Variants in PSMD9 observed in about 807,000 individuals in gnomAD.
PSMD9 encodes proteasome 26S subunit, non-ATPase 9, also known as 26S proteasome non-ATPase regulatory subunit 9.
PSMD9 carries 26 observed loss-of-function variants against 25.9 expected under a neutral mutation model. The observed-to-expected ratio is 1.00, with a 90% CI of 0.73 to 1.39. The LOEUF (loss-of-function observed/expected upper bound fraction) is 1.39. Ranked by LOEUF, PSMD9 falls within the 40% of genes most tolerant of loss-of-function variation. The pLI is 0.00. For synonymous variants in PSMD9, 110 were observed against 114.5 expected (o/e 0.96, Z 0.25); for missense variants, 303 against 299.3 (o/e 1.01, Z -0.09).
chr12:121,903,916 G>A (rs1377639067), intron 4 of PSMD9, among the ~76,000 whole-genome samples: 1 of 152,024 alleles, frequency 6.6e-6, no homozygotes, highest in Non-Finnish European at 1.5e-5. Context: ...TTGTAGCAAA[G>A]ATCCACACTT....
intron 4 of PSMD9, among the ~76,000 whole-genome samples, chr12:121,903,839 A>G (rs1879473403): frequency 1.3e-5 from 2 of 149,622 alleles, no homozygotes; most frequent in South Asian, 4.2e-4. Context: ...CCTCACGGCT[A>G]ATTTTTTTAT....
At chr12:121,897,677 G>T (rs577894591) in intron 2 of PSMD9, 1 of 149,804 alleles carries the variant, frequency 6.7e-6, no homozygotes, top group Non-Finnish European at 1.5e-5. Context: ...GAGCCACCAT[G>T]CCTGGCCTAA....
rs779829181 is a variant in PSMD9, at chr12:121,899,695, C to T, written c.303C>T (p.His101=). 2.4e-5 allele frequency: 38 copies of T among 1,613,798 alleles called. No homozygotes were observed. Among genetic ancestry groups the T allele is most frequent in the Middle Eastern group, 1.6e-4 (1 of 6,062 alleles). ...TGGAGGAGGCCCTGCACCAGCTGCACGCTCGCGACAAGGAGAAGCAGGCCC... is the reference window on the plus strand; with the variant it reads ...TGGAGGAGGCCCTGCACCAGCTGCATGCTCGCGACAAGGAGAAGCAGGCCC... The part of the protein sequence containing the change: ...KQVEEALHQL[H]ARDKEKQARD... The change falls in exon 3 of 6, where the codon CAC becomes CAT. Residue 101 remains histidine (H), a synonymous_variant. Coordinates refer to ENST00000541212, the MANE Select transcript of PSMD9 (RefSeq NM_002813.7).
At chr12:121,894,653 T>C (rs996584675) in intron 1 of PSMD9, 86 bp from the exon 2 acceptor site, 6 of 1,144,828 alleles carry the variant, frequency 5.2e-6, no homozygotes, top group South Asian at 1.3e-5. Flanking sequence ...ACCTTTATTA[T>C]GACTTCAGAG....
chr12:121,912,320 C>T (rs778004895), intron 4 of PSMD9, among the ~76,000 whole-genome samples: 5 of 152,072 alleles, frequency 3.3e-5, no homozygotes, highest in African/African-American at 4.8e-5. Flanking sequence ...CGTGAGCCAC[C>T]GTGCCCGGCG....
chr12:121,911,140 A>C, intron 4 of PSMD9: 1 of 373,608 alleles, frequency 2.7e-6, no homozygotes, highest in Non-Finnish European at 5.4e-6. Context: ...CCCAGGTTTG[A>C]GCCATTCTTC....
chr12:121,913,008 C>T (rs538386850), intron 4 of PSMD9, among the ~76,000 whole-genome samples: 12 of 149,938 alleles, frequency 8.0e-5, no homozygotes, highest in Admixed American at 7.3e-4. Flanking sequence ...ACAATCTCGG[C>T]TCACTGCAAA....
intron 2 of PSMD9, chr12:121,898,726 T>G (rs1280498695): frequency 6.4e-6 from 1 of 156,300 alleles, no homozygotes; most frequent in East Asian, 1.9e-4. Context: ...TTTGTTTTGT[T>G]TTGTTTTGTT....
chr12:121,894,724 G>C lies in PSMD9; in HGVS notation c.139-15G>C. 1 of 1,612,620 alleles carries C rather than the reference G, an allele frequency of 6.2e-7. No individual in the cohort carries two copies. Among genetic ancestry groups the C allele is most frequent in the Non-Finnish European group, 8.5e-7 (1 of 1,178,890 alleles). ...ACACCCATGAGCACCTTTTAACCACGTTTCTTTCCTCCAGCAAAAAGGCAT... is the reference window on the plus strand; with the variant it reads ...ACACCCATGAGCACCTTTTAACCACCTTTCTTTCCTCCAGCAAAAAGGCAT... On this transcript the variant is annotated splice_polypyrimidine_tract_variant and intron_variant, in intron 1 of 5. Transcript: ENST00000541212.
intron 1 of PSMD9, among the ~76,000 whole-genome samples, chr12:121,891,427 C>T (rs1180778068): frequency 3.3e-5 from 5 of 150,426 alleles, no homozygotes; most frequent in East Asian, 2.0e-4. Context: ...AGTGAAACCC[C>T]GTCTCTACTA....
At position 121,899,826 on chromosome 12, in the gene PSMD9, G is replaced by A. The variant is rs774874573; in HGVS notation, c.434G>A (p.Gly145Asp). ...AFAKVNSISPGSPASIAGLQV... is the reference protein window; with the variant it reads ...AFAKVNSISPDSPASIAGLQV... ...GCCAAAGTGAACAGCATCAGCCCCG[G>A]CTCCCCAGCCAGCATCGCGGTAATC... is the stretch of plus-strand genomic sequence containing the variant. The change falls in exon 3 of 6, where the codon GGC becomes GAC. Residue 145 changes from glycine to aspartate, a missense_variant. Physicochemically the swap from Gly to Asp is moderately conservative, Grantham distance 94. Coordinates refer to ENST00000541212, the MANE Select transcript of PSMD9 (RefSeq NM_002813.7). 5.0e-6 allele frequency: 8 copies of A among 1,613,886 alleles called. No individual in the cohort carries two copies. The Admixed American group carries it at 5.0e-5, about 10-fold the overall frequency.
At chr12:121,907,027 C>T (rs1879580489) in intron 4 of PSMD9, among the ~76,000 whole-genome samples, 2 of 150,400 alleles carry the variant, frequency 1.3e-5, no homozygotes, top group South Asian at 4.2e-4. Flanking sequence ...AGATAGTTTG[C>T]CATTTTGTGG....
chr12:121,895,234 C>T (rs1364748459), intron 2 of PSMD9, among the ~76,000 whole-genome samples: 1 of 152,084 alleles, frequency 6.6e-6, no homozygotes, highest in African/African-American at 2.4e-5. Context: ...AGAGACGAGT[C>T]TCACTAAGTG....
At chr12:121,894,126 CCT>C (rs1238832164) in intron 1 of PSMD9, 1 of 152,362 alleles carries the variant, frequency 6.6e-6, no homozygotes, top group Non-Finnish European at 1.5e-5. Flanking sequence ...TGTGTACTCT[CCT>C]CTGACTCATG....
chr12:121,908,270 C>G (rs1271614183), intron 4 of PSMD9: 2 of 152,100 alleles, frequency 1.3e-5, no homozygotes, highest in South Asian at 2.1e-4. Flanking sequence ...CCTCCGCCTC[C>G]CGGGTTCAAG....
At chr12:121,906,024 C>T (rs1879544644) in intron 4 of PSMD9, among the ~76,000 whole-genome samples, 1 of 150,308 alleles carries the variant, frequency 6.7e-6, no homozygotes, top group Non-Finnish European at 1.5e-5. Context: ...TCACTCAGCC[C>T]AGTGGATTCT....
intron 1 of PSMD9, among the ~76,000 whole-genome samples, chr12:121,893,304 G>A (rs1879140579): frequency 6.6e-6 from 1 of 152,208 alleles, no homozygotes; most frequent in Non-Finnish European, 1.5e-5. Flanking sequence ...CTGCGCAGTG[G>A]ACAGTAGGTT....
At chr12:121,896,206 A>G (rs778958662) in intron 2 of PSMD9, among the ~76,000 whole-genome samples, 2 of 152,110 alleles carry the variant, frequency 1.3e-5, no homozygotes, top group East Asian at 3.9e-4. Flanking sequence ...GCGGTGGCTC[A>G]TGCCTGTAAT....
chr12:121,902,829 C>G (rs371391063), intron 3 of PSMD9, 177 bp from the exon 4 acceptor site: 1 of 561,188 alleles, frequency 1.8e-6, no homozygotes, highest in Admixed American at 2.9e-5. Flanking sequence ...GAGGTGGCCC[C>G]GTTACCCACT....
Sources: allele counts gnomAD v4.1 joint callset (sites outside exome capture counted in the v4.1 genomes callset), GRCh38; gene constraint gnomAD v4.1.1; transcripts MANE v1.5; gene names NCBI Gene and HGNC (gene_info 2026-07-23, HGNC 2026-07-21).